GRB2: variants seen among roughly 807,000 people sequenced by gnomAD.
The protein encoded by GRB2 is growth factor receptor-bound protein 2.
In GRB2, 2 loss-of-function variants were observed where a neutral mutation model predicts 27.4. The ratio of observed to expected loss-of-function variants is 0.07; its 90% CI spans 0.03 to 0.23. The LOEUF (loss-of-function observed/expected upper bound fraction) is 0.23. GRB2 is among the 10% of genes least tolerant of loss of function. The probability of loss-of-function intolerance (pLI) is 1.00; values close to 1 mark genes in which losing one functional copy is unlikely to be tolerated. For missense variants in GRB2, 102 were observed against 282.4 expected (o/e 0.36, Z 4.58); for synonymous variants, 94 against 99.6 (o/e 0.94, Z 0.33).
intron 2 of GRB2, chr17:75,393,258 C>A: frequency 4.2e-6 from 2 of 471,374 alleles, no homozygotes; most frequent in Non-Finnish European, 7.6e-6. Flanking sequence ...TCAATCTACT[C>A]ATATACTTCC....
rs1462606308 is a variant in GRB2, at chr17:75,318,096, T to G, written c.*2272A>C. 2.0e-5 allele frequency: 3 copies of G among 152,636 alleles called. No individual in the cohort carries two copies. Among genetic ancestry groups the G allele is most frequent in the Admixed American group, 1.3e-4 (2 of 15,284 alleles). The allele number at this position is 152,636 out of a possible 1,614,324, so 9.5% of individuals were successfully genotyped here. The stretch of plus-strand genomic sequence containing the variant: ...CCAAGTGAAGAATTCATTGTGTATT[T>G]ATTATTCACAGTTAATCACTACCTA... On this transcript the variant is annotated 3_prime_UTR_variant, in exon 6 of 6. Transcript: ENST00000316804.
At chr17:75,401,217 G>T (rs528128235) in intron 1 of GRB2, among the ~76,000 whole-genome samples, 96 of 151,688 alleles carry the variant, frequency 6.3e-4, no homozygotes, top group African/African-American at 2.2e-3. Flanking sequence ...AGGCCGAGGC[G>T]GGTGGATCAC....
intron 1 of GRB2, among the ~76,000 whole-genome samples, chr17:75,397,971 A>C (rs550259223): frequency 6.3e-4 from 95 of 151,522 alleles, no homozygotes; most frequent in African/African-American, 2.2e-3. Flanking sequence ...CCTCCCAAGT[A>C]GCTGGGACTA....
In GRB2 at chr17:75,371,801, T is replaced by G. The variant is rs531568159; in HGVS notation, c.78+21750A>C. ...AGCAACTAACTGAAAATTGACAAAA[T>G]TTTGTTTAAATATAGAAAGTAAGAT... On this transcript the variant is annotated intron_variant, in intron 2 of 5. Transcript: ENST00000316804. 4 of 151,404 alleles carry G rather than the reference T, an allele frequency of 2.6e-5. No homozygotes were observed. The Admixed American group carries it at 2.7e-4, about 10-fold the overall frequency. The allele number at this position is 151,404 out of a possible 1,614,324, so 9.4% of individuals were successfully genotyped here.
intron 2 of GRB2, chr17:75,373,542 GT>G (rs2078869710): frequency 6.6e-6 from 1 of 152,132 alleles, no homozygotes; most frequent in South Asian, 2.1e-4. Context: ...TCCCCAGTAA[GT>G]CAGCCGTATC....
chr17:75,326,111 T>A, intron 3 of GRB2, 91 bp from the exon 4 acceptor site: 1 of 1,471,814 alleles, frequency 6.8e-7, no homozygotes. Flanking sequence ...CAACACTCCT[T>A]GCCAGAGGAA....
At chr17:75,383,302 G>A (rs1207979836) in intron 2 of GRB2, among the ~76,000 whole-genome samples, 1 of 152,136 alleles carries the variant, frequency 6.6e-6, no homozygotes, top group East Asian at 1.9e-4. Flanking sequence ...AGATGTGTAA[G>A]AATGGAGAAA....
At chr17:75,355,839 A>T (rs1244585360) in intron 2 of GRB2, among the ~76,000 whole-genome samples, 6 of 107,004 alleles carry the variant, frequency 5.6e-5, no homozygotes, top group South Asian at 2.8e-4. Context: ...TTTTTTTTTT[A>T]AAGAGACAGA....
At position 75,320,267 on chromosome 17, in the gene GRB2, T is replaced by G; in HGVS notation, c.*101A>C. 9.7e-7 allele frequency: 1 copy of G among 1,030,498 alleles called. No homozygotes were observed. Among genetic ancestry groups the G allele is most frequent in the South Asian group, 1.4e-5 (1 of 70,922 alleles). The allele number at this position is 1,030,498 out of a possible 1,614,324, so 63.8% of individuals were successfully genotyped here. On this transcript the variant is annotated 3_prime_UTR_variant, in exon 6 of 6. Coordinates refer to ENST00000316804, the MANE Select transcript of GRB2 (RefSeq NM_002086.5). The surrounding 1 kb of genome is among the most constrained non-coding windows in gnomAD (Gnocchi z 4.3). The stretch of plus-strand genomic sequence containing the variant: ...CACAGGGTGACCCGGCCAGGTGTTC[T>G]GCACTCCCTCACAGGCTGCTGTCAG...
chr17:75,356,133 CCTAT>C (rs2078732034), intron 2 of GRB2, among the ~76,000 whole-genome samples: 1 of 152,080 alleles, frequency 6.6e-6, no homozygotes, highest in East Asian at 1.9e-4. Context: ...CGCACCTGGC[CCTAT>C]CTATCTTAAT....
In GRB2 at chr17:75,369,964, T is replaced by C. The variant is rs2145854254; in HGVS notation, c.78+23587A>G. Among the ~76,000 whole-genome samples, 3 of 152,268 alleles carry C rather than the reference T, an allele frequency of 2.0e-5. No homozygotes were observed. The South Asian group carries it at 6.2e-4, about 32-fold the overall frequency. ...AAAAACAACTCAAAGCATATATATGTTCCTTTGCTTGAAGGATGGCATTAC... is the reference window on the plus strand; with the variant it reads ...AAAAACAACTCAAAGCATATATATGCTCCTTTGCTTGAAGGATGGCATTAC... On this transcript the variant is annotated intron_variant, in intron 2 of 5. Transcript: ENST00000316804.
At chr17:75,357,953 C>G (rs2078744439) in intron 2 of GRB2, among the ~76,000 whole-genome samples, 1 of 152,148 alleles carries the variant, frequency 6.6e-6, no homozygotes, top group South Asian at 2.1e-4. Context: ...CAAAAATTAG[C>G]TGGGCGTGGT....
chr17:75,348,086 G>A (rs985838486), intron 2 of GRB2, among the ~76,000 whole-genome samples: 11 of 152,200 alleles, frequency 7.2e-5, no homozygotes, highest in African/African-American at 2.7e-4. Context: ...TGTGGCCCAG[G>A]CTGGAGTGCA....
chr17:75,369,427 T>C (rs2078841381), intron 2 of GRB2, among the ~76,000 whole-genome samples: 1 of 152,120 alleles, frequency 6.6e-6, no homozygotes, highest in Non-Finnish European at 1.5e-5. Context: ...AGGCAAAATA[T>C]AAGAAGGCAT....
chr17:75,350,975 G>A (rs1598231691), intron 2 of GRB2, among the ~76,000 whole-genome samples: 1 of 152,162 alleles, frequency 6.6e-6, no homozygotes, highest in East Asian at 1.9e-4. Context: ...ACAGAGAACT[G>A]AGCCCGACTG....
intron 2 of GRB2, among the ~76,000 whole-genome samples, chr17:75,369,521 C>G (rs1043900511): frequency 6.6e-6 from 1 of 151,974 alleles, no homozygotes; most frequent in Non-Finnish European, 1.5e-5. Context: ...GAGACTGAGA[C>G]AAGGACTCTG....
intron 2 of GRB2, among the ~76,000 whole-genome samples, chr17:75,344,926 C>CAG (rs2078645255): frequency 6.6e-6 from 1 of 150,444 alleles, no homozygotes; most frequent in East Asian, 2.0e-4. Flanking sequence ...TCCTGTGTGT[C>CAG]AGTTCCACCC....
At chr17:75,329,305 T>C (rs1169604473) in intron 3 of GRB2, among the ~76,000 whole-genome samples, 2 of 152,106 alleles carry the variant, frequency 1.3e-5, no homozygotes, top group African/African-American at 4.8e-5. Flanking sequence ...TGAAATAGCC[T>C]AGATGTACAT....
intron 2 of GRB2, among the ~76,000 whole-genome samples, chr17:75,336,754 G>C (rs2078580021): frequency 1.3e-5 from 2 of 151,764 alleles, no homozygotes; most frequent in Non-Finnish European, 2.9e-5. Flanking sequence ...TTTTTTGAGA[G>C]AGTCTTGCTC....
Sources: gnomAD v4.1 joint callset for allele counts (sites outside exome capture counted in the v4.1 genomes callset) on GRCh38, gnomAD v4.1.1 for gene constraint, Gnocchi (gnomAD v3.1) non-coding constraint, MANE v1.5 for transcripts, NCBI Gene and HGNC (gene_info 2026-07-23, HGNC 2026-07-21) for gene names.